Variants in DLC1 observed in about 807,000 individuals in gnomAD.
The protein encoded by DLC1 is DLC1 Rho GTPase activating protein.
In DLC1, 54 loss-of-function variants were observed where a neutral mutation model predicts 140.3. That is an observed-to-expected ratio of 0.38 (90% CI 0.31 to 0.48). DLC1 has a LOEUF of 0.48. Ranked by LOEUF, DLC1 falls within the 20% of genes least tolerant of loss-of-function variation. The pLI is 0.96. For missense variants in DLC1, 2,536 were observed against 1,907.0 expected, an observed-to-expected ratio of 1.33 and a Z score of -6.14; for synonymous variants, 986 against 728.1, an observed-to-expected ratio of 1.35 and a Z score of -5.70.
At chr8:13,491,137 A>G (rs1051995474) in intron 2 of DLC1, among the ~76,000 whole-genome samples, 5 of 149,324 alleles carry the variant, frequency 3.3e-5, no homozygotes, top group Admixed American at 1.3e-4. Context: ...ATTTTTTTAT[A>G]TATATATAGC....
intron 5 of DLC1, among the ~76,000 whole-genome samples, chr8:13,163,011 A>T (rs1329704436): frequency 2.0e-5 from 3 of 152,152 alleles, no homozygotes. Context: ...CATTGTCTGT[A>T]CTTGTTGACA....
intron 4 of DLC1, among the ~76,000 whole-genome samples, chr8:13,354,842 G>A (rs1834847120): frequency 6.6e-6 from 1 of 151,628 alleles, no homozygotes; most frequent in Non-Finnish European, 1.5e-5. Context: ...CCAGCTGTTG[G>A]GGAAGCTGAG....
intron 4 of DLC1, among the ~76,000 whole-genome samples, chr8:13,314,665 C>T (rs1268225642): frequency 6.6e-6 from 1 of 152,176 alleles, no homozygotes; most frequent in Non-Finnish European, 1.5e-5. Flanking sequence ...AACTTAAAAA[C>T]TTTTGGTAGA....
At chr8:13,562,513 G>A (rs143714504) in intron 1 of DLC1, among the ~76,000 whole-genome samples, 184 of 152,136 alleles carry the variant, frequency 1.2e-3, no homozygotes, top group Non-Finnish European at 2.2e-3. Context: ...TTAAAATTAC[G>A]CTGAGATATC....
At chr8:13,552,451 AAT>A (rs1451077808) in intron 1 of DLC1, among the ~76,000 whole-genome samples, 2 of 150,822 alleles carry the variant, frequency 1.3e-5, no homozygotes, top group African/African-American at 4.8e-5. Flanking sequence ...AATAAATAAA[AAT>A]ATATATACAA....
chr8:13,560,425 GC>G (rs1160487595), intron 1 of DLC1, among the ~76,000 whole-genome samples: 1 of 151,678 alleles, frequency 6.6e-6, no homozygotes, highest in East Asian at 1.9e-4. Context: ...TACTCACAAG[GC>G]CCCCACAGAT....
chr8:13,207,792 T>C (rs1373087403), intron 5 of DLC1, among the ~76,000 whole-genome samples: 4 of 152,134 alleles, frequency 2.6e-5, no homozygotes, highest in Non-Finnish European at 5.9e-5. Context: ...GCTGCTAACA[T>C]CCCATGATGT....
chr8:13,379,480 C>G (rs1194652643), intron 4 of DLC1, among the ~76,000 whole-genome samples: 1 of 152,112 alleles, frequency 6.6e-6, no homozygotes, highest in Non-Finnish European at 1.5e-5. Context: ...GCAAAGAGAT[C>G]TAACACAAAG....
intron 4 of DLC1, among the ~76,000 whole-genome samples, chr8:13,391,046 C>G (rs780164972): frequency 1.5e-4 from 23 of 151,122 alleles, no homozygotes; most frequent in Non-Finnish European, 3.4e-4. Flanking sequence ...TTATTATTGG[C>G]CATTTAAAGA....
chr8:13,406,567 C>G (rs1197339632), intron 2 of DLC1, among the ~76,000 whole-genome samples: 2 of 152,076 alleles, frequency 1.3e-5, no homozygotes, highest in African/African-American at 4.8e-5. Flanking sequence ...ATGTGGTGCC[C>G]ATGTTCTTTC....
intron 1 of DLC1, among the ~76,000 whole-genome samples, chr8:13,545,886 T>C (rs888205595): frequency 1.3e-5 from 2 of 152,144 alleles, no homozygotes; most frequent in Non-Finnish European, 2.9e-5. Flanking sequence ...CATAAAACGG[T>C]AAGAAGCCTA....
At chr8:13,132,808 A>T in intron 5 of DLC1, 1 of 1,110,928 alleles carries the variant, frequency 9.0e-7, no homozygotes, top group Non-Finnish European at 1.3e-6. Flanking sequence ...GAAAATCCGG[A>T]GACTCTGCAG....
intron 5 of DLC1, among the ~76,000 whole-genome samples, chr8:13,168,752 C>T (rs557651631): frequency 1.8e-4 from 28 of 152,296 alleles, no homozygotes; most frequent in African/African-American, 5.1e-4. Context: ...CACATCAAAC[C>T]GATTATCGAC....
At chr8:13,410,652 T>A (rs1462463128) in intron 2 of DLC1, among the ~76,000 whole-genome samples, 6 of 147,658 alleles carry the variant, frequency 4.1e-5, no homozygotes, top group African/African-American at 1.5e-4. Context: ...AAGACCATTA[T>A]AAAAAAAAAA....
chr8:13,413,154 A>G lies in DLC1; in HGVS notation c.1024-11535T>C, dbSNP rs1837865707. ...GCTAAGTAGGGAAAGAAAGGTAAAG[A>G]ACACTACACGAAGCTTTTCCAACCC... On this transcript the variant is annotated intron_variant, in intron 2 of 17. Transcript: ENST00000276297. Among the ~76,000 whole-genome samples the G allele has an allele frequency of 2.0e-5, 3 of 151,738 alleles. No homozygotes were observed. In the South Asian group the frequency reaches 6.2e-4, roughly 32 times the overall value.
At chr8:13,170,810 T>A (rs941131969) in intron 5 of DLC1, among the ~76,000 whole-genome samples, 3 of 151,870 alleles carry the variant, frequency 2.0e-5, no homozygotes, top group Admixed American at 1.3e-4. Context: ...AGACATCTAA[T>A]GCTAGAAGAA....
intron 5 of DLC1, among the ~76,000 whole-genome samples, chr8:13,172,125 A>T (rs1825519345): frequency 6.6e-6 from 1 of 152,226 alleles, no homozygotes; most frequent in African/African-American, 2.4e-5. Flanking sequence ...TATAGATGTC[A>T]TTTGGGGGGT....
At chr8:13,298,549 C>T (rs13271968) in intron 5 of DLC1, among the ~76,000 whole-genome samples, 1 of 152,172 alleles carries the variant, frequency 6.6e-6, no homozygotes, top group Admixed American at 6.5e-5. Context: ...AGACAATATT[C>T]TTAACCTAGA....
intron 1 of DLC1, among the ~76,000 whole-genome samples, chr8:13,553,787 T>G (rs909504444): frequency 6.6e-6 from 1 of 152,168 alleles, no homozygotes. Context: ...TTCAAAACGA[T>G]TCTTGTCAAG....
Sources: gnomAD v4.1 joint callset for allele counts (sites outside exome capture counted in the v4.1 genomes callset) on GRCh38, gnomAD v4.1.1 for gene constraint, MANE v1.5 for transcripts, NCBI Gene and HGNC (gene_info 2026-07-23, HGNC 2026-07-21) for gene names.